Variants in CCDC141 observed in about 807,000 individuals in gnomAD.
CCDC141 encodes coiled-coil domain-containing protein 141.
A neutral mutation model predicts 181.0 loss-of-function variants in CCDC141; 168 were observed. The observed-to-expected ratio is 0.93, with a 90% CI of 0.82 to 1.05. CCDC141 has a LOEUF of 1.05. Among genes scored for constraint, CCDC141 ranks in the 50% least tolerant of loss-of-function variants. The pLI, the probability that CCDC141 is intolerant of heterozygous loss-of-function variation, is 0.00. For synonymous variants in CCDC141, 666 were observed against 642.3 expected, an observed-to-expected ratio of 1.04 and a Z score of -0.56; for missense variants, 1,902 against 1,788.5, an observed-to-expected ratio of 1.06 and a Z score of -1.14.
Position 178,888,677 on chromosome 2 carries a change from A to T in CCDC141, c.1266-9T>A, listed in dbSNP as rs1412293500. On this transcript the variant is annotated splice_polypyrimidine_tract_variant and intron_variant, in intron 8 of 23. Coordinates refer to ENST00000443758, the MANE Select transcript of CCDC141 (RefSeq NM_173648.4). ...TGCCGGACACCTGAGAGCTGAACAG[A>T]GCAAGCCAGCTGTTAATTCACTCCA... The T allele has an allele frequency of 1.9e-6, 3 of 1,550,338 alleles. No individual in the cohort carries two copies. The highest frequency in any genetic ancestry group is 3.9e-5 in the Admixed American group (2 of 50,966).
intron 17 of CCDC141, among the ~76,000 whole-genome samples, chr2:178,860,779 A>C (rs758622332): frequency 6.6e-6 from 1 of 151,854 alleles, no homozygotes; most frequent in African/African-American, 2.4e-5. Context: ...TGAAAGTGGG[A>C]TAACTTGGGA....
chr2:179,045,965 T>C (rs898754250), intron 2 of CCDC141, among the ~76,000 whole-genome samples: 1 of 152,088 alleles, frequency 6.6e-6, no homozygotes, highest in Non-Finnish European at 1.5e-5. Context: ...TTGTACTAAT[T>C]CTTTCTTCAA....
At chr2:178,975,369 C>CAA (rs1559019743) in intron 3 of CCDC141, among the ~76,000 whole-genome samples, 1 of 152,160 alleles carries the variant, frequency 6.6e-6, no homozygotes, top group African/African-American at 2.4e-5. Flanking sequence ...GGTCAATTTA[C>CAA]AAAGTGTCAT....
chr2:179,006,570 A>T (rs921333951), intron 2 of CCDC141, among the ~76,000 whole-genome samples: 1 of 152,196 alleles, frequency 6.6e-6, no homozygotes. Flanking sequence ...AGTATTTACC[A>T]TTTGCAAGGC....
intron 6 of CCDC141, among the ~76,000 whole-genome samples, chr2:178,922,182 T>G (rs1426756815): frequency 2.0e-5 from 3 of 152,230 alleles, no homozygotes; most frequent in East Asian, 3.8e-4. Context: ...TTTTTCTTTC[T>G]GTATGTTAGT....
In CCDC141 at chr2:179,049,982, G is replaced by T. The variant is rs757162204; in HGVS notation, c.-41C>A. On this transcript the variant is annotated 5_prime_UTR_variant, in exon 1 of 24. Transcript: ENST00000443758. ...GAGTTTATACTTTGGGCAGCCTCTG[G>T]ACAGTTGTGTGTCTGCTGGTCATTT... 47 of 1,549,714 alleles carry T rather than the reference G, an allele frequency of 3.0e-5. No individual in the cohort carries two copies. The South Asian group carries it at 5.1e-4, about 17-fold the overall frequency.
the CCDC141 span, among the ~76,000 whole-genome samples, chr2:178,823,208 T>C: frequency 6.6e-6 from 1 of 152,192 alleles, no homozygotes; most frequent in Non-Finnish European, 1.5e-5. Flanking sequence ...GAAATTTCAT[T>C]TATTAAGTGC....
intron 22 of CCDC141, among the ~76,000 whole-genome samples, chr2:178,844,250 T>C (rs915071008): frequency 2.0e-5 from 3 of 152,112 alleles, no homozygotes; most frequent in African/African-American, 7.2e-5. Context: ...TTAGAAACCT[T>C]TTTAAGAAAA....
intron 18 of CCDC141, 33 bp downstream of exon 18, chr2:178,856,224 T>C (rs1333119787): frequency 6.4e-7 from 1 of 1,563,972 alleles, no homozygotes; most frequent in Non-Finnish European, 8.7e-7. Flanking sequence ...TGCATACACA[T>C]GCGCACATAT....
At chr2:178,824,594 G>A in the CCDC141 span, among the ~76,000 whole-genome samples, 1 of 141,980 alleles carries the variant, frequency 7.0e-6, no homozygotes, top group Non-Finnish European at 1.5e-5. Flanking sequence ...ACTCCAGCCT[G>A]GGCGACAAGA....
intron 1 of CCDC141, among the ~76,000 whole-genome samples, chr2:179,047,942 A>C (rs1247284781): frequency 2.6e-5 from 4 of 152,230 alleles, no homozygotes; most frequent in African/African-American, 9.6e-5. Context: ...CTTATTTCAA[A>C]GGTAAAATAT....
At chr2:179,031,158 A>C (rs961608840) in intron 2 of CCDC141, among the ~76,000 whole-genome samples, 1 of 151,898 alleles carries the variant, frequency 6.6e-6, no homozygotes, top group Non-Finnish European at 1.5e-5. Context: ...GATAATATTT[A>C]TATATATTGG....
chr2:178,945,814 T>C (rs1689706637), intron 5 of CCDC141, among the ~76,000 whole-genome samples: 1 of 151,072 alleles, frequency 6.6e-6, no homozygotes, highest in African/African-American at 2.4e-5. Context: ...CTACATTAGA[T>C]CAGAAGTTCC....
downstream of CCDC141, among the ~76,000 whole-genome samples, chr2:178,828,889 A>C (rs980540309): frequency 5.9e-5 from 9 of 152,246 alleles, no homozygotes; most frequent in Admixed American, 3.9e-4. Flanking sequence ...ACATAAGATA[A>C]AAATACCATT....
At chr2:179,039,336 A>G (rs1194858430) in intron 2 of CCDC141, among the ~76,000 whole-genome samples, 1 of 152,152 alleles carries the variant, frequency 6.6e-6, no homozygotes, top group Non-Finnish European at 1.5e-5. Flanking sequence ...GTTTGAGATA[A>G]TTTTCAGTGG....
chr2:179,003,923 T>C lies in CCDC141; in HGVS notation c.226-25248A>G, dbSNP rs542727555. The stretch of plus-strand genomic sequence containing the variant: ...TTTTGTTCTTAAACTTCATACTCAT[T>C]CTCTATGATGAAATGATTTATTTTT... On this transcript the variant is annotated intron_variant, in intron 2 of 23. Coordinates refer to ENST00000443758, the MANE Select transcript of CCDC141 (RefSeq NM_173648.4). Among the ~76,000 whole-genome samples the C allele has an allele frequency of 5.3e-5, 8 of 152,298 alleles. No homozygotes were observed. The East Asian group carries it at 1.3e-3, about 26-fold the overall frequency.
chr2:178,823,838 T>C, the CCDC141 span, among the ~76,000 whole-genome samples: 2 of 152,204 alleles, frequency 1.3e-5, no homozygotes, highest in African/African-American at 4.8e-5. Context: ...ATTTTAAAAC[T>C]GGAATTGTGC....
intron 2 of CCDC141, among the ~76,000 whole-genome samples, chr2:178,993,070 C>T (rs74759879): frequency 0.052 from 7,951 of 152,144 alleles, 278 homozygotes; most frequent in South Asian, 0.084. Context: ...AGCATGAGAA[C>T]AGACTAATAA....
intron 6 of CCDC141, among the ~76,000 whole-genome samples, chr2:178,943,763 C>T (rs1336234132): frequency 1.3e-5 from 2 of 152,102 alleles, no homozygotes; most frequent in African/African-American, 4.8e-5. Context: ...TACAGACCCC[C>T]AGATGTATAA....
Sources: gnomAD v4.1 joint callset for allele counts (sites outside exome capture counted in the v4.1 genomes callset) on GRCh38, gnomAD v4.1.1 for gene constraint, MANE v1.5 for transcripts, NCBI Gene and HGNC (gene_info 2026-07-23, HGNC 2026-07-21) for gene names.